The following COL23A1 variants were observed in gnomAD, a reference collection of about 807,000 sequenced individuals.
COL23A1 encodes collagen type XXIII alpha 1 chain.
Under a neutral mutation model 99.3 loss-of-function variants are expected in COL23A1, and 97 were observed. That is an observed-to-expected ratio of 0.98 (90% CI 0.83 to 1.16). COL23A1 has a LOEUF of 1.16. Among genes scored for constraint, COL23A1 ranks in the 50% most tolerant of loss-of-function variants. COL23A1 has a pLI of 0.00. For synonymous variants in COL23A1, 320 were observed against 308.2 expected, an observed-to-expected ratio of 1.04 and a Z score of -0.40; for missense variants, 762 against 757.4, an observed-to-expected ratio of 1.01 and a Z score of -0.07.
At chr5:178,288,456 G>A in intron 4 of COL23A1, 106 bp from the exon 5 acceptor site, 1 of 959,352 alleles carries the variant, frequency 1.0e-6, no homozygotes, top group Non-Finnish European at 1.7e-6. Flanking sequence ...CCCGACAGCT[G>A]GTTGGTGACT....
At chr5:178,561,530 C>CCA (rs1762560281) in intron 1 of COL23A1, among the ~76,000 whole-genome samples, 1 of 152,142 alleles carries the variant, frequency 6.6e-6, no homozygotes, top group African/African-American at 2.4e-5. Context: ...GGTCCCTGCC[C>CCA]CACAGATGAG....
rs1017320405 is a variant in COL23A1 at position 178,367,310 on chromosome 5, C to T, written c.362-60391G>A. Reference sequence around the variant, plus strand: ...CTCCACGTCTGAGAGGGGCGTTTGGCCTTGGGTGGGTCACGCCTCTCTGTG... The same window carrying T: ...CTCCACGTCTGAGAGGGGCGTTTGGTCTTGGGTGGGTCACGCCTCTCTGTG... On this transcript the variant is annotated intron_variant, in intron 2 of 28. Transcript: ENST00000390654. Among the ~76,000 whole-genome samples, 10 of 152,140 alleles carry T rather than the reference C, an allele frequency of 6.6e-5. No individual in the cohort carries two copies. The South Asian group carries it at 1.2e-3, about 19-fold the overall frequency.
chr5:178,587,604 C>T (rs185975536), intron 1 of COL23A1, among the ~76,000 whole-genome samples: 16 of 152,338 alleles, frequency 1.1e-4, no homozygotes, highest in Admixed American at 9.8e-4. Context: ...AGAGGCTTCA[C>T]TGAGAACAAA....
chr5:178,463,603 G>A (rs1234542135), intron 2 of COL23A1, among the ~76,000 whole-genome samples: 2 of 152,176 alleles, frequency 1.3e-5, no homozygotes, highest in Admixed American at 6.5e-5. Context: ...CTGCTTTGCC[G>A]ATGAGGATGC....
chr5:178,352,338 A>C (rs1401574174), intron 2 of COL23A1: 2 of 152,250 alleles, frequency 1.3e-5, no homozygotes, highest in Admixed American at 6.5e-5. Context: ...TGAAATTTGC[A>C]AGATGCAAAT....
intron 2 of COL23A1, among the ~76,000 whole-genome samples, chr5:178,509,121 C>T (rs1424377880): frequency 1.3e-5 from 2 of 152,188 alleles, no homozygotes; most frequent in African/African-American, 4.8e-5. Context: ...GATTGGTTTA[C>T]AGTAGCCCCT....
At chr5:178,385,104 G>A (rs531278122) in intron 2 of COL23A1, among the ~76,000 whole-genome samples, 1 of 152,220 alleles carries the variant, frequency 6.6e-6, no homozygotes, top group Non-Finnish European at 1.5e-5. Context: ...ACAAGCATTG[G>A]GGTGGGGTTA....
intron 2 of COL23A1, among the ~76,000 whole-genome samples, chr5:178,516,601 C>T (rs556443961): frequency 1.5e-4 from 23 of 152,326 alleles, no homozygotes; most frequent in African/African-American, 5.3e-4. Context: ...TTTCCTGGAA[C>T]GCGCCAGGCC....
Position 178,438,426 on chromosome 5 carries a change from G to T in COL23A1, c.361+122256C>A, listed in dbSNP as rs1280516252. Among the ~76,000 whole-genome samples, 3 of 152,244 alleles carry T rather than the reference G, an allele frequency of 2.0e-5. No individual in the cohort carries two copies. In the South Asian group the frequency reaches 6.2e-4, roughly 32 times the overall value. On this transcript the variant is annotated intron_variant, in intron 2 of 28. Coordinates refer to ENST00000390654, the MANE Select transcript of COL23A1 (RefSeq NM_173465.4). ...TAAACATAAGTGAGCTTTCCAGCCA[G>T]ATCTGGGGTCCTGGTGAAATAAACC...
At chr5:178,525,992 G>T (rs1260885876) in intron 2 of COL23A1, among the ~76,000 whole-genome samples, 1 of 150,074 alleles carries the variant, frequency 6.7e-6, no homozygotes, top group Admixed American at 6.6e-5. Flanking sequence ...CTTGAAGATG[G>T]TAACAGCTTG....
intron 2 of COL23A1, among the ~76,000 whole-genome samples, chr5:178,410,212 AGAATAAATTTGT>A (rs1169010680): frequency 6.6e-6 from 1 of 152,234 alleles, no homozygotes; most frequent in Non-Finnish European, 1.5e-5. Context: ...GAGCAAAATG[AGAATAAATTTGT>A]GAAAAATATC....
At chr5:178,432,911 C>T (rs1298400663) in intron 2 of COL23A1, among the ~76,000 whole-genome samples, 1 of 152,160 alleles carries the variant, frequency 6.6e-6, no homozygotes, top group Admixed American at 6.5e-5. Context: ...CCAGAGCTCC[C>T]TTCACCCACC....
intron 2 of COL23A1, among the ~76,000 whole-genome samples, chr5:178,329,615 C>T (rs1040255061): frequency 1.2e-4 from 18 of 152,184 alleles, no homozygotes; most frequent in African/African-American, 4.3e-4. Context: ...TCTGGGCCAT[C>T]GCAGTCCACC....
chr5:178,530,456 G>A (rs1375991069), intron 2 of COL23A1, among the ~76,000 whole-genome samples: 1 of 151,600 alleles, frequency 6.6e-6, no homozygotes, highest in Non-Finnish European at 1.5e-5. Flanking sequence ...AGAAAGACCT[G>A]TTTCAAAAAA....
At chr5:178,346,256 T>C (rs1393600895) in intron 2 of COL23A1, among the ~76,000 whole-genome samples, 1 of 152,074 alleles carries the variant, frequency 6.6e-6, no homozygotes, top group Non-Finnish European at 1.5e-5. Context: ...TTTTTTAAGA[T>C]GGAGTTTCGT....
chr5:178,357,804 G>A (rs1474945697), intron 2 of COL23A1, among the ~76,000 whole-genome samples: 4 of 149,406 alleles, frequency 2.7e-5, no homozygotes, highest in African/African-American at 1.0e-4. Context: ...GTATGTGTGT[G>A]TGTATGTGTG....
intron 2 of COL23A1, among the ~76,000 whole-genome samples, chr5:178,519,080 C>G (rs943790780): frequency 6.6e-6 from 1 of 151,866 alleles, no homozygotes; most frequent in African/African-American, 2.4e-5. Context: ...CATGGCCGGA[C>G]GGGCTCCCTA....
At chr5:178,337,708 C>T (rs1292430868) in intron 2 of COL23A1, among the ~76,000 whole-genome samples, 1 of 152,036 alleles carries the variant, frequency 6.6e-6, no homozygotes, top group Admixed American at 6.6e-5. Flanking sequence ...CCTCTGTCCC[C>T]AGAGACTGAG....
rs1266269213 is a variant in COL23A1 at position 178,281,139 on chromosome 5, G to C, written c.441+7185C>G. Among the ~76,000 whole-genome samples the C allele has an allele frequency of 6.6e-6, 1 of 152,196 alleles. No individual in the cohort carries two copies. The highest frequency in any genetic ancestry group is 1.5e-5 in the Non-Finnish European group (1 of 68,040). On this transcript the variant is annotated intron_variant, in intron 5 of 28. Transcript: ENST00000390654. The surrounding 1 kb of genome is among the most constrained non-coding windows in gnomAD (Gnocchi z 4.0). ...TCCGGTCTCAGCTTCACTAGAATCTGGGGATTGTGGGGTGGCACTGTAGGG... is the reference window on the plus strand; with the variant it reads ...TCCGGTCTCAGCTTCACTAGAATCTCGGGATTGTGGGGTGGCACTGTAGGG...
Sources: gnomAD v4.1 joint callset for allele counts (sites outside exome capture counted in the v4.1 genomes callset) on GRCh38, gnomAD v4.1.1 for gene constraint, Gnocchi (gnomAD v3.1) non-coding constraint, MANE v1.5 for transcripts, NCBI Gene and HGNC (gene_info 2026-07-23, HGNC 2026-07-21) for gene names.